Variants in TRPM3 observed in about 807,000 individuals in gnomAD.
The protein encoded by TRPM3 is long transient receptor potential channel 3.
Under a neutral mutation model 181.2 loss-of-function variants are expected in TRPM3, and 77 were observed. The observed-to-expected ratio is 0.42, with a 90% confidence interval of 0.35 to 0.51. The LOEUF (loss-of-function observed/expected upper bound fraction) is 0.51. Ranked by LOEUF, TRPM3 falls within the 20% of genes least tolerant of loss-of-function variation. The pLI, the probability that TRPM3 is intolerant of heterozygous loss-of-function variation, is 0.01. For missense variants in TRPM3, 1,759 were observed against 2,196.7 expected (o/e 0.80, Z 3.98); for synonymous variants, 745 against 796.4 (o/e 0.94, Z 1.09).
chr9:70,784,813 T>C (rs1006977870), intron 6 of TRPM3, among the ~76,000 whole-genome samples: 22 of 152,192 alleles, frequency 1.4e-4, no homozygotes, highest in African/African-American at 3.9e-4. Flanking sequence ...TTGAATCAAC[T>C]ACTGGCTGAA....
In TRPM3 at chr9:70,887,920, G is replaced by A. The variant is rs1357886815; in HGVS notation, c.178-23409C>T. Among the ~76,000 whole-genome samples, 8 of 152,336 alleles carry A rather than the reference G, an allele frequency of 5.3e-5. No homozygotes were observed. The East Asian group carries it at 1.4e-3, about 26-fold the overall frequency. On this transcript the variant is annotated intron_variant, in intron 1 of 25. Coordinates refer to ENST00000677713, the MANE Select transcript of TRPM3 (RefSeq NM_001366145.2). ...AAATAATGTCAACAACTGTGCAACT[G>A]CAGTATGACAAGTGTGAATGCCCTA...
chr9:70,541,965 TA>T, intron 25 of TRPM3, among the ~76,000 whole-genome samples: 1 of 151,938 alleles, frequency 6.6e-6, no homozygotes, highest in African/African-American at 2.4e-5. Context: ...TCTACGAAAA[TA>T]AAAAATTAGC....
chr9:71,287,028 T>C (rs2085352697), intron 1 of TRPM3, among the ~76,000 whole-genome samples: 1 of 143,332 alleles, frequency 7.0e-6, no homozygotes, highest in African/African-American at 2.6e-5. Context: ...TAGTATATAA[T>C]ATATAACATA....
intron 1 of TRPM3, among the ~76,000 whole-genome samples, chr9:71,279,266 G>A (rs2084505441): frequency 6.6e-6 from 1 of 151,940 alleles, no homozygotes; most frequent in African/African-American, 2.4e-5. Context: ...ATCAACAGTT[G>A]CAGCCAGATC....
At chr9:71,303,820 A>G (rs922751408) in intron 1 of TRPM3, among the ~76,000 whole-genome samples, 2 of 152,218 alleles carry the variant, frequency 1.3e-5, no homozygotes, top group Non-Finnish European at 2.9e-5. Context: ...TAATAGAAAT[A>G]CTTAGGGAAA....
intron 1 of TRPM3, among the ~76,000 whole-genome samples, chr9:71,384,521 C>T (rs1157240962): frequency 6.6e-6 from 1 of 152,226 alleles, no homozygotes; most frequent in East Asian, 1.9e-4. Context: ...CAATCTCTGG[C>T]ACATTTGATG....
At position 71,200,042 on chromosome 9, in the gene TRPM3, G is replaced by A. The variant is rs376474935; in HGVS notation, c.183+246611C>T. 5.6e-3 allele frequency among the ~76,000 whole-genome samples: 853 copies of A among 152,166 alleles called. 8 individuals carry two copies. The highest frequency in any genetic ancestry group is 8.7e-3 in the Non-Finnish European group (592 of 67,976). ...TAAATTTCCCTCTACACACTGCTTTGAATGTGTCCCAGAGATTCTGGTATG... is the reference window on the plus strand; with the variant it reads ...TAAATTTCCCTCTACACACTGCTTTAAATGTGTCCCAGAGATTCTGGTATG... On this transcript the variant is annotated intron_variant, in intron 1 of 24. Coordinates refer to the TRPM3 transcript ENST00000357533.
intron 1 of TRPM3, among the ~76,000 whole-genome samples, chr9:71,108,587 C>T (rs1293725180): frequency 6.6e-6 from 1 of 152,088 alleles, no homozygotes; most frequent in East Asian, 1.9e-4. Flanking sequence ...AAGGCAACTT[C>T]GAGATTACAA....
chr9:70,662,109 A>G (rs1367353824), intron 9 of TRPM3, among the ~76,000 whole-genome samples: 2 of 152,156 alleles, frequency 1.3e-5, no homozygotes, highest in African/African-American at 4.8e-5. Flanking sequence ...AGAACCTAGA[A>G]ATAAAGCCAA....
At chr9:71,213,576 G>A (rs983947797) in intron 1 of TRPM3, among the ~76,000 whole-genome samples, 4 of 152,010 alleles carry the variant, frequency 2.6e-5, no homozygotes, top group Non-Finnish European at 4.4e-5. Context: ...GAAAACATCA[G>A]TACTTTCACT....
intron 1 of TRPM3, among the ~76,000 whole-genome samples, chr9:71,164,414 G>A (rs748754102): frequency 2.0e-5 from 3 of 152,218 alleles, no homozygotes; most frequent in Admixed American, 1.3e-4. Context: ...TGTTAGAGCC[G>A]ACGGGAACTC....
At chr9:71,207,001 G>A (rs962076559) in intron 1 of TRPM3, among the ~76,000 whole-genome samples, 14 of 152,078 alleles carry the variant, frequency 9.2e-5, no homozygotes, top group Non-Finnish European at 5.9e-5. Flanking sequence ...CAGTAGTTGA[G>A]TTGGGTACAG....
chr9:71,055,732 G>T (rs945116486), intron 1 of TRPM3, among the ~76,000 whole-genome samples: 21 of 152,092 alleles, frequency 1.4e-4, no homozygotes, highest in African/African-American at 4.8e-4. Flanking sequence ...ATGTGCCAGG[G>T]TTGCTACAGT....
chr9:70,623,390 C>G (rs1038472436), intron 14 of TRPM3, among the ~76,000 whole-genome samples: 3 of 151,640 alleles, frequency 2.0e-5, no homozygotes, highest in African/African-American at 7.3e-5. Context: ...AAAAATCATG[C>G]CCACTACCAG....
intron 8 of TRPM3, among the ~76,000 whole-genome samples, chr9:70,751,391 A>T (rs1286162553): frequency 6.6e-6 from 1 of 152,168 alleles, no homozygotes; most frequent in Non-Finnish European, 1.5e-5. Flanking sequence ...TAGTCTAAAA[A>T]CTTATAAGCC....
At chr9:71,178,480 A>G (rs113395679) in intron 1 of TRPM3, among the ~76,000 whole-genome samples, 1 of 152,142 alleles carries the variant, frequency 6.6e-6, no homozygotes, top group African/African-American at 2.4e-5. Context: ...ATTATCTAAT[A>G]AGATTCCTGT....
intron 9 of TRPM3, among the ~76,000 whole-genome samples, chr9:70,676,326 C>T (rs10123362): frequency 0.36 from 55,457 of 151,962 alleles, 10,389 homozygotes; most frequent in East Asian, 0.46. Context: ...ATATTGAATC[C>T]AAGGCCTATG....
At chr9:71,365,309 A>AT (rs1646998945) in intron 1 of TRPM3, among the ~76,000 whole-genome samples, 1 of 152,194 alleles carries the variant, frequency 6.6e-6, no homozygotes. Context: ...CCCAGGCTGC[A>AT]TGTAAAGATT....
At chr9:70,841,661 T>TATATATATATATATATATATATATATAA (rs1339698170) in intron 5 of TRPM3, among the ~76,000 whole-genome samples, 2 of 86,080 alleles carry the variant, frequency 2.3e-5, no homozygotes, top group African/African-American at 9.5e-5. Flanking sequence ...TATATATATA[T>TATATATATATATATATATATATATATAA]CCCACCATAT....
Sources: gnomAD v4.1 joint callset for allele counts (sites outside exome capture counted in the v4.1 genomes callset) on GRCh38, gnomAD v4.1.1 for gene constraint, MANE v1.5 for transcripts, NCBI Gene and HGNC (gene_info 2026-07-23, HGNC 2026-07-21) for gene names.